The following PDE4B variants were observed in gnomAD, a reference collection of about 807,000 sequenced individuals.
PDE4B encodes the protein 3',5'-cyclic-AMP phosphodiesterase 4B.
Under a neutral mutation model 82.2 loss-of-function variants are expected in PDE4B, and 20 were observed. The observed-to-expected ratio is 0.24, with a 90% CI of 0.17 to 0.35. The LOEUF (loss-of-function observed/expected upper bound fraction) is 0.35. PDE4B is among the 10% of genes least tolerant of loss of function. The pLI, the probability that PDE4B is intolerant of heterozygous loss-of-function variation, is 1.00. For missense variants in PDE4B, 655 were observed against 907.2 expected (o/e 0.72, Z 3.57); for synonymous variants, 320 against 318.9 (o/e 1.00, Z -0.04).
At chr1:65,925,006 A>C (rs1225955284) in intron 3 of PDE4B, among the ~76,000 whole-genome samples, 1 of 152,196 alleles carries the variant, frequency 6.6e-6, no homozygotes, top group Non-Finnish European at 1.5e-5. Context: ...TCTGCAAAGG[A>C]ATAAACAAGG....
At chr1:66,104,777 G>T (rs1353168389) in intron 3 of PDE4B, among the ~76,000 whole-genome samples, 6 of 150,014 alleles carry the variant, frequency 4.0e-5, no homozygotes, top group Admixed American at 1.3e-4. Context: ...CCCACTTTTT[G>T]ATGGGGTTGT....
Position 66,257,702 on chromosome 1 carries a change from C to G in PDE4B, c.513+19C>G, listed in dbSNP as rs1367100028. The G allele has an allele frequency of 6.2e-7, 1 of 1,612,688 alleles. No homozygotes were observed. The highest frequency in any genetic ancestry group is 1.1e-5 in the South Asian group (1 of 91,048). On this transcript the variant is annotated intron_variant, in intron 5 of 16. Transcript: ENST00000341517. ...TGCCCAGGTATGTATTATGCTGGCC[C>G]TGGCTTGCTTTCACTGTCGCTGGTT... is the stretch of plus-strand genomic sequence containing the variant.
At position 66,257,648 on chromosome 1, in the gene PDE4B, C is replaced by T; in HGVS notation, c.478C>T (p.His160Tyr). 6.2e-7 allele frequency: 1 copy of T among 1,613,358 alleles called. No homozygotes were observed. Among genetic ancestry groups the T allele is most frequent in the Non-Finnish European group, 8.5e-7 (1 of 1,179,376 alleles). ...GTTCTTTTTTTCTCTTTTCACCAGACACGGCGATGACTTGATTGTAACTCC... is the reference window on the plus strand; with the variant it reads ...GTTCTTTTTTTCTCTTTTCACCAGATACGGCGATGACTTGATTGTAACTCC... ...SRNSSLPSEQ[H>Y]GDDLIVTPFA... Residue 160 changes from histidine (H) to tyrosine (Y), a missense_variant and splice_region_variant, in exon 5 of 17, where the codon CAC (histidine) becomes TAC (tyrosine). By Grantham distance (83) the His-to-Tyr change is moderately conservative. This residue lies in a region of PDE4B where 253 missense variants were observed against 275.6 expected (regional missense o/e 0.92). Transcript: ENST00000341517.
intron 8 of PDE4B, among the ~76,000 whole-genome samples, chr1:66,350,525 A>AC (rs1245570261): frequency 6.6e-6 from 1 of 151,966 alleles, no homozygotes; most frequent in African/African-American, 2.4e-5. Flanking sequence ...TTTTCAGGTC[A>AC]CCCTCAACAG....
At chr1:66,176,414 C>G (rs1646932788) in intron 3 of PDE4B, among the ~76,000 whole-genome samples, 2 of 152,238 alleles carry the variant, frequency 1.3e-5, no homozygotes, top group South Asian at 4.1e-4. Context: ...TTGTGCCAAT[C>G]ACAGTGAATT....
At chr1:66,338,496 A>G (rs1343171415) in intron 8 of PDE4B, among the ~76,000 whole-genome samples, 1 of 152,220 alleles carries the variant, frequency 6.6e-6, no homozygotes, top group Non-Finnish European at 1.5e-5. Context: ...GTAAGGGGAA[A>G]GAGCAATCGC....
intron 3 of PDE4B, among the ~76,000 whole-genome samples, chr1:66,127,714 G>A (rs758805548): frequency 7.2e-5 from 11 of 152,066 alleles, no homozygotes; most frequent in Middle Eastern, 3.2e-3. Flanking sequence ...TATACGGCCC[G>A]TCATTAGCAA....
intron 7 of PDE4B, among the ~76,000 whole-genome samples, chr1:66,291,109 C>T (rs1657043524): frequency 6.6e-6 from 1 of 152,152 alleles, no homozygotes; most frequent in African/African-American, 2.4e-5. Context: ...AGGTTGACAA[C>T]AAATAGCAAT....
chr1:65,834,374 G>T (rs1487368531), intron 1 of PDE4B, among the ~76,000 whole-genome samples: 1 of 152,142 alleles, frequency 6.6e-6, no homozygotes, highest in African/African-American at 2.4e-5. Context: ...ATGATGTTGA[G>T]TTTCTTGCTT....
At chr1:66,036,889 C>T (rs1400792988) in intron 3 of PDE4B, among the ~76,000 whole-genome samples, 1 of 152,076 alleles carries the variant, frequency 6.6e-6, no homozygotes, top group East Asian at 1.9e-4. Context: ...AATCCCAACA[C>T]TTTGGGGGGC....
intron 2 of PDE4B, among the ~76,000 whole-genome samples, chr1:65,916,197 G>A (rs1015836819): frequency 1.3e-5 from 2 of 152,058 alleles, no homozygotes; most frequent in African/African-American, 4.8e-5. Flanking sequence ...TTCTTACTTT[G>A]TGGCAATGCA....
chr1:66,073,903 A>G (rs767807396), intron 3 of PDE4B, among the ~76,000 whole-genome samples: 8 of 152,174 alleles, frequency 5.3e-5, no homozygotes, highest in Admixed American at 1.3e-4. Context: ...GTTCAAAGAC[A>G]TAGAGATAAT....
At chr1:66,105,692 C>T (rs1046875004) in intron 3 of PDE4B, among the ~76,000 whole-genome samples, 5 of 152,096 alleles carry the variant, frequency 3.3e-5, no homozygotes, top group African/African-American at 1.2e-4. Flanking sequence ...ATTTTATTCT[C>T]GTTGAAGCAA....
chr1:66,332,940 A>T (rs980112387), intron 8 of PDE4B, among the ~76,000 whole-genome samples: 3 of 152,190 alleles, frequency 2.0e-5, no homozygotes, highest in African/African-American at 7.2e-5. Context: ...GTGCTTTAAA[A>T]TTTTTTTACA....
At chr1:65,975,690 T>G (rs1012174856) in intron 3 of PDE4B, among the ~76,000 whole-genome samples, 1 of 152,172 alleles carries the variant, frequency 6.6e-6, no homozygotes, top group Non-Finnish European at 1.5e-5. Context: ...CAAGGCACCT[T>G]GCATCCCAGA....
At chr1:66,287,544 A>T (rs1019481006) in intron 7 of PDE4B, among the ~76,000 whole-genome samples, 2 of 152,192 alleles carry the variant, frequency 1.3e-5, no homozygotes, top group Admixed American at 1.3e-4. Context: ...GAGGTTGACT[A>T]GAACGGAGGG....
At chr1:66,236,424 T>G (rs182187569) in intron 3 of PDE4B, among the ~76,000 whole-genome samples, 21 of 152,246 alleles carry the variant, frequency 1.4e-4, no homozygotes, top group Admixed American at 1.4e-3. Flanking sequence ...GAGATTTTAA[T>G]AAGAAGAAAA....
intron 3 of PDE4B, among the ~76,000 whole-genome samples, chr1:66,107,589 T>C (rs1645393733): frequency 1.3e-5 from 2 of 152,024 alleles, no homozygotes; most frequent in South Asian, 4.1e-4. Context: ...AAATACTTTT[T>C]ATTTGTTAGC....
intron 7 of PDE4B, among the ~76,000 whole-genome samples, chr1:66,285,656 T>C (rs764491931): frequency 2.0e-5 from 3 of 152,140 alleles, no homozygotes; most frequent in Non-Finnish European, 2.9e-5. Context: ...CCACTCATGT[T>C]GCTGTGAAAG....
Sources: allele counts gnomAD v4.1 joint callset (sites outside exome capture counted in the v4.1 genomes callset), GRCh38; gene constraint gnomAD v4.1.1; regional missense constraint gnomAD v4.1.1; transcripts MANE v1.5; gene names NCBI Gene and HGNC (gene_info 2026-07-23, HGNC 2026-07-21).